The following RALYL variants were observed in gnomAD, a reference collection of about 807,000 sequenced individuals.
The protein encoded by RALYL is RNA-binding Raly-like protein.
Under a neutral mutation model 35.1 loss-of-function variants are expected in RALYL, and 29 were observed. That is an observed-to-expected ratio of 0.83 (90% CI 0.61 to 1.13). RALYL has a LOEUF of 1.13. RALYL is among the 50% of genes most tolerant of loss of function. The probability of loss-of-function intolerance (pLI) is 0.00; values close to 1 mark genes in which losing one functional copy is unlikely to be tolerated. For synonymous variants in RALYL, 120 were observed against 127.6 expected, an observed-to-expected ratio of 0.94 and a Z score of 0.40; for missense variants, 359 against 360.4, an observed-to-expected ratio of 1.00 and a Z score of 0.03.
At chr8:84,868,242 T>C (rs1486706985) in intron 6 of RALYL, among the ~76,000 whole-genome samples, 1 of 152,202 alleles carries the variant, frequency 6.6e-6, no homozygotes, top group Non-Finnish European at 1.5e-5. Flanking sequence ...AGTATCACTC[T>C]GTCACCCAGG....
chr8:84,489,281 C>T (rs762975950), intron 1 of RALYL, among the ~76,000 whole-genome samples: 4 of 151,970 alleles, frequency 2.6e-5, no homozygotes, highest in Non-Finnish European at 4.4e-5. Flanking sequence ...TTTAGCATGG[C>T]TTATACTAGG....
At chr8:84,915,033 TAATC>T (rs1254057967) in intron 8 of RALYL, among the ~76,000 whole-genome samples, 6 of 152,060 alleles carry the variant, frequency 3.9e-5, no homozygotes, top group Non-Finnish European at 5.9e-5. Flanking sequence ...TAAGAACTAA[TAATC>T]AATCTGAGGA....
In RALYL at chr8:84,594,636, A is replaced by G. The variant is rs1240314917; in HGVS notation, c.256+65059A>G. 2.0e-5 allele frequency among the ~76,000 whole-genome samples: 3 copies of G among 152,182 alleles called. No individual in the cohort carries two copies. In the East Asian group the frequency reaches 5.8e-4, roughly 29 times the overall value. ...AAATGTTTATATTATAGTATAAATT[A>G]TTAATCAATCTGCCACAATCATTAC... On this transcript the variant is annotated intron_variant, in intron 2 of 8. Transcript: ENST00000521268.
intron 1 of RALYL, among the ~76,000 whole-genome samples, chr8:84,267,346 G>T (rs1346571872): frequency 6.6e-6 from 1 of 152,108 alleles, no homozygotes; most frequent in Non-Finnish European, 1.5e-5. Context: ...AGCATGCATT[G>T]ATGAACTTAA....
At chr8:84,618,357 C>G (rs892495599) in intron 2 of RALYL, among the ~76,000 whole-genome samples, 21 of 151,676 alleles carry the variant, frequency 1.4e-4, no homozygotes, top group African/African-American at 4.1e-4. Flanking sequence ...TCCATTTCTT[C>G]TAGATTTTGT....
At chr8:84,336,165 A>G (rs1847765509) in intron 1 of RALYL, among the ~76,000 whole-genome samples, 2 of 152,134 alleles carry the variant, frequency 1.3e-5, no homozygotes. Flanking sequence ...GTCTCAGTCC[A>G]CAGTTCTTGG....
intron 1 of RALYL, among the ~76,000 whole-genome samples, chr8:84,522,660 C>G (rs1345172401): frequency 6.6e-6 from 1 of 152,140 alleles, no homozygotes; most frequent in South Asian, 2.1e-4. Flanking sequence ...AAAGTGACAA[C>G]TTTAGTTTGT....
At chr8:84,813,782 G>T (rs1001710629) in intron 4 of RALYL, among the ~76,000 whole-genome samples, 3 of 150,492 alleles carry the variant, frequency 2.0e-5, no homozygotes, top group African/African-American at 7.5e-5. Flanking sequence ...AATACTTTAA[G>T]TTCTAGGGTA....
chr8:84,269,343 A>C (rs1586667029), intron 1 of RALYL, among the ~76,000 whole-genome samples: 1 of 152,326 alleles, frequency 6.6e-6, no homozygotes, highest in East Asian at 1.9e-4. Flanking sequence ...ATTCAACAGA[A>C]GTCTTAGTGG....
chr8:84,321,212 T>TA (rs894073763), intron 1 of RALYL, among the ~76,000 whole-genome samples: 1 of 152,148 alleles, frequency 6.6e-6, no homozygotes, highest in African/African-American at 2.4e-5. Flanking sequence ...GAGTGGGACT[T>TA]ACAGTCTTTG....
intron 8 of RALYL, among the ~76,000 whole-genome samples, chr8:84,894,804 A>T (rs372290966): frequency 2.6e-5 from 4 of 152,160 alleles, no homozygotes; most frequent in Non-Finnish European, 5.9e-5. Context: ...CTTGATTTCA[A>T]TCATTTTTAT....
chr8:84,401,986 T>C (rs552070653), intron 1 of RALYL, among the ~76,000 whole-genome samples: 1 of 152,286 alleles, frequency 6.6e-6, no homozygotes, highest in East Asian at 1.9e-4. Context: ...CCTTTCACTT[T>C]ACTATAAACT....
chr8:84,305,113 C>G (rs1841532469), intron 1 of RALYL, among the ~76,000 whole-genome samples: 2 of 151,906 alleles, frequency 1.3e-5, no homozygotes, highest in South Asian at 4.1e-4. Flanking sequence ...AGCTTAATAC[C>G]TAAAAGATGT....
chr8:84,301,430 T>C (rs1408566335), intron 1 of RALYL, among the ~76,000 whole-genome samples: 1 of 152,124 alleles, frequency 6.6e-6, no homozygotes. Context: ...TGTTGGCCTA[T>C]GTAGTGAGAT....
At chr8:84,496,567 G>A (rs2056046768) in intron 1 of RALYL, among the ~76,000 whole-genome samples, 1 of 151,996 alleles carries the variant, frequency 6.6e-6, no homozygotes, top group African/African-American at 2.4e-5. Flanking sequence ...AAATCATTTG[G>A]AAACATGACT....
At chr8:84,845,730 C>G (rs1440560244) in intron 4 of RALYL, among the ~76,000 whole-genome samples, 2 of 151,562 alleles carry the variant, frequency 1.3e-5, no homozygotes, top group Non-Finnish European at 3.0e-5. Context: ...TAGCCAATAT[C>G]AAAAAGGGGA....
chr8:84,387,685 G>A (rs930384723), intron 1 of RALYL, among the ~76,000 whole-genome samples: 3 of 151,624 alleles, frequency 2.0e-5, no homozygotes, highest in Admixed American at 6.6e-5. Context: ...CCATCTTTCT[G>A]ACAAAGGACA....
intron 1 of RALYL, among the ~76,000 whole-genome samples, chr8:84,470,361 T>C (rs1046329845): frequency 1.8e-4 from 28 of 152,096 alleles, no homozygotes; most frequent in Non-Finnish European, 1.5e-5. Context: ...TCAAAAAATA[T>C]AACTTTGTAA....
chr8:84,820,186 C>G (rs1167712191), intron 4 of RALYL, among the ~76,000 whole-genome samples: 1 of 151,954 alleles, frequency 6.6e-6, no homozygotes, highest in Non-Finnish European at 1.5e-5. Flanking sequence ...CTAACTGTAC[C>G]CTCTGAACTC....
Sources: allele counts gnomAD v4.1 joint callset (sites outside exome capture counted in the v4.1 genomes callset), GRCh38; gene constraint gnomAD v4.1.1; transcripts MANE v1.5; gene names NCBI Gene and HGNC (gene_info 2026-07-23, HGNC 2026-07-21).